Variants in STK39 observed in about 807,000 individuals in gnomAD.
STK39 encodes serine/threonine kinase 39.
Under a neutral mutation model 77.8 loss-of-function variants are expected in STK39, and 20 were observed. The observed-to-expected ratio is 0.26, with a 90% confidence interval of 0.18 to 0.37. The LOEUF (loss-of-function observed/expected upper bound fraction) is 0.37. STK39 is among the 10% of genes least tolerant of loss of function. The pLI, the probability that STK39 is intolerant of heterozygous loss-of-function variation, is 1.00. For synonymous variants in STK39, 246 were observed against 234.1 expected, an observed-to-expected ratio of 1.05 and a Z score of -0.47; for missense variants, 479 against 656.5, an observed-to-expected ratio of 0.73 and a Z score of 2.95.
In STK39 at chr2:167,955,044, G is replaced by C. The variant is rs1300967284; in HGVS notation, c.*452C>G. ...TAATTTCTAAATACAACATAAAAGA[G>C]GCAGTATTGTCAGATGTACAATTAA... On this transcript the variant is annotated 3_prime_UTR_variant, in exon 18 of 18. Transcript: ENST00000355999. 6.5e-6 allele frequency: 1 copy of C among 152,922 alleles called. No individual in the cohort carries two copies. The highest frequency in any genetic ancestry group is 1.9e-4 in the East Asian group (1 of 5,198). 9.5% of individuals were successfully genotyped at this position (152,922 alleles called of 1,614,324 possible).
intron 5 of STK39, among the ~76,000 whole-genome samples, chr2:168,148,707 T>C (rs149165770): frequency 1.3e-5 from 2 of 152,308 alleles, no homozygotes; most frequent in African/African-American, 4.8e-5. Context: ...AGAGGCCAGA[T>C]AGCAACGTGT....
intron 1 of STK39, among the ~76,000 whole-genome samples, chr2:168,213,265 C>A (rs1689939321): frequency 6.6e-6 from 1 of 152,078 alleles, no homozygotes; most frequent in Admixed American, 6.6e-5. Flanking sequence ...TAAAAACACA[C>A]AAATCTCATC....
At chr2:167,983,818 G>A (rs1683490795) in intron 16 of STK39, among the ~76,000 whole-genome samples, 1 of 152,126 alleles carries the variant, frequency 6.6e-6, no homozygotes, top group Non-Finnish European at 1.5e-5. Context: ...CTACCTTTCT[G>A]TGCCTGCTCC....
intron 16 of STK39, among the ~76,000 whole-genome samples, chr2:167,989,579 T>C (rs1032548962): frequency 1.3e-5 from 2 of 152,146 alleles, no homozygotes; most frequent in African/African-American, 2.4e-5. Context: ...CAGTGGGTGA[T>C]AGAGTTAGCA....
intron 16 of STK39, among the ~76,000 whole-genome samples, chr2:167,980,571 A>G (rs1022748737): frequency 3.3e-5 from 5 of 152,246 alleles, no homozygotes; most frequent in South Asian, 4.1e-4. Context: ...GCCATCTGGC[A>G]TAAGCACAAA....
intron 12 of STK39, among the ~76,000 whole-genome samples, chr2:168,068,823 G>A (rs137877040): frequency 2.8e-4 from 42 of 152,276 alleles, no homozygotes; most frequent in South Asian, 1.0e-3. Flanking sequence ...TAATAAAAGT[G>A]GAGGGAGAAG....
At chr2:168,115,437 C>T (rs1180541543) in intron 10 of STK39, among the ~76,000 whole-genome samples, 1 of 152,100 alleles carries the variant, frequency 6.6e-6, no homozygotes, top group Non-Finnish European at 1.5e-5. Context: ...TACTCTTTGA[C>T]CAAGCAATCC....
chr2:168,000,168 C>A (rs1479739974), intron 16 of STK39, among the ~76,000 whole-genome samples: 1 of 152,100 alleles, frequency 6.6e-6, no homozygotes, highest in Non-Finnish European at 1.5e-5. Flanking sequence ...TCAGATTATG[C>A]CTATAAGATT....
intron 16 of STK39, among the ~76,000 whole-genome samples, chr2:168,002,862 A>G (rs138705238): frequency 6.6e-6 from 1 of 152,294 alleles, no homozygotes; most frequent in Non-Finnish European, 1.5e-5. Context: ...GTGTGCTCTC[A>G]CTGCACATTC....
At chr2:168,207,853 G>C (rs1689781271) in intron 1 of STK39, among the ~76,000 whole-genome samples, 1 of 152,182 alleles carries the variant, frequency 6.6e-6, no homozygotes, top group Non-Finnish European at 1.5e-5. Flanking sequence ...CTAATCACAG[G>C]AATGAGATCC....
Position 168,247,419 on chromosome 2 carries a change from C to T in STK39, c.17G>A (p.Gly6Asp). The change falls in exon 1 of 18, where the codon GGC (glycine) becomes GAC (aspartate). Residue 6 changes from glycine (G) to aspartate (D), a missense_variant. This residue lies in a region of STK39 where 96 missense variants were observed against 79.1 expected (regional missense o/e 1.21). Coordinates refer to ENST00000355999, the MANE Select transcript of STK39 (RefSeq NM_013233.3). MAEPS[G>D]SPVHVQLPQQ... ...GGGAAGCTGGACGTGCACGGGCGAG[C>T]CGCTCGGCTCCGCCATGATGCTGCG... The T allele has an allele frequency of 1.6e-6, 2 of 1,230,120 alleles. No individual in the cohort carries two copies. Among genetic ancestry groups the T allele is most frequent in the Non-Finnish European group, 2.0e-6 (2 of 976,684 alleles). The allele number at this position is 1,230,120 out of a possible 1,614,324, so 76.2% of individuals were successfully genotyped here.
At chr2:167,982,672 A>G (rs1264181754) in intron 16 of STK39, among the ~76,000 whole-genome samples, 1 of 152,168 alleles carries the variant, frequency 6.6e-6, no homozygotes, top group Non-Finnish European at 1.5e-5. Context: ...CTCAGTCACT[A>G]CCCAACACTG....
At chr2:168,184,078 C>G (rs1452867180) in intron 1 of STK39, among the ~76,000 whole-genome samples, 1 of 152,136 alleles carries the variant, frequency 6.6e-6, no homozygotes, top group Non-Finnish European at 1.5e-5. Flanking sequence ...AATCTACATT[C>G]CAGAACATTC....
chr2:168,143,478 C>T (rs1041646757), intron 5 of STK39, among the ~76,000 whole-genome samples: 3 of 152,090 alleles, frequency 2.0e-5, no homozygotes, highest in Admixed American at 6.6e-5. Flanking sequence ...TTTGGGAGGC[C>T]AATGCAAGTG....
rs1174705830 is a variant in STK39 at position 168,140,743 on chromosome 2, G to A, written c.644C>T (p.Ala215Val). 5.6e-6 allele frequency: 9 copies of A among 1,595,244 alleles called. No individual in the cohort carries two copies. Among genetic ancestry groups the A allele is most frequent in the African/African-American group, 2.7e-5 (2 of 73,922 alleles). Residue 215 changes from alanine to valine, a missense_variant, in exon 6 of 18, where the codon GCG (alanine) becomes GTG (valine). This residue lies in a region of STK39 where 139 missense variants were observed against 280.6 expected (regional missense o/e 0.50). Transcript: ENST00000355999. The part of the protein sequence containing the change: ...SVQIADFGVS[A>V]FLATGGDVTR... The stretch of plus-strand genomic sequence containing the variant: ...AACATCACCCCCTGTTGCTAGGAAC[G>A]CACTTACCCCAAAATCTGAAAGGGA...
intron 1 of STK39, among the ~76,000 whole-genome samples, chr2:168,183,242 G>A (rs1303822019): frequency 6.6e-6 from 1 of 152,180 alleles, no homozygotes; most frequent in Non-Finnish European, 1.5e-5. Flanking sequence ...AACCCCAGCA[G>A]ATCACCCTAC....
At chr2:168,178,277 C>A (rs1026039536) in intron 2 of STK39, among the ~76,000 whole-genome samples, 9 of 152,140 alleles carry the variant, frequency 5.9e-5, no homozygotes, top group Non-Finnish European at 1.2e-4. Context: ...CAGAACATAT[C>A]CTTGGCTCCT....
At chr2:168,103,207 T>C (rs1686882190) in intron 10 of STK39, among the ~76,000 whole-genome samples, 1 of 152,202 alleles carries the variant, frequency 6.6e-6, no homozygotes, top group African/African-American at 2.4e-5. Flanking sequence ...GTGTATTTCG[T>C]AAACTAATCT....
At chr2:168,044,354 C>G (rs1297089538) in intron 14 of STK39, among the ~76,000 whole-genome samples, 1 of 152,180 alleles carries the variant, frequency 6.6e-6, no homozygotes, top group Non-Finnish European at 1.5e-5. Flanking sequence ...ACTCAATATG[C>G]AACTTGAAGT....
Sources: gnomAD v4.1 joint callset for allele counts (sites outside exome capture counted in the v4.1 genomes callset) on GRCh38, gnomAD v4.1.1 for gene constraint, gnomAD v4.1.1 regional missense constraint, MANE v1.5 for transcripts, NCBI Gene and HGNC (gene_info 2026-07-23, HGNC 2026-07-21) for gene names.